FAM124A: variants seen among roughly 807,000 people sequenced by gnomAD.
The protein encoded by FAM124A is family with sequence similarity 124 member A, also known as protein FAM124A.
FAM124A carries 23 observed loss-of-function variants against 24.5 expected under a neutral mutation model. The ratio of observed to expected loss-of-function variants is 0.94; its 90% CI spans 0.68 to 1.33. FAM124A has a LOEUF of 1.33. Among genes scored for constraint, FAM124A ranks in the 40% most tolerant of loss-of-function variants. FAM124A has a pLI of 0.00. For synonymous variants in FAM124A, 287 were observed against 314.7 expected (o/e 0.91, Z 0.93); for missense variants, 623 against 722.8 (o/e 0.86, Z 1.58).
rs1448871223 is a variant in FAM124A at position 51,281,165 on chromosome 13, C to A, written c.1550C>A (p.Thr517Asn). The A allele has an allele frequency of 1.9e-6, 3 of 1,613,792 alleles. No individual in the cohort carries two copies. The highest frequency in any genetic ancestry group is 1.7e-6 in the Non-Finnish European group (2 of 1,179,938). ...TDSSPQLPCD[T>N]PKVKQTDGDM... ...TCCTCCCCACAGCTCCCATGCGATACCCCCAAAGTCAAGCAGACTGATGGA... is the reference window on the plus strand; with the variant it reads ...TCCTCCCCACAGCTCCCATGCGATAACCCCAAAGTCAAGCAGACTGATGGA... The change falls in exon 4 of 4, where the codon ACC becomes AAC. Residue 517 changes from threonine (T) to asparagine (N), a missense_variant. Physicochemically the swap from Thr to Asn is moderately conservative, Grantham distance 65. Transcript: ENST00000322475.
chr13:51,261,229 G>A (rs1419365600), intron 3 of FAM124A, among the ~76,000 whole-genome samples: 1 of 152,170 alleles, frequency 6.6e-6, no homozygotes, highest in Non-Finnish European at 1.5e-5. Context: ...CCACATGTGG[G>A]GGAAGGAAGA....
At chr13:51,278,171 C>T (rs909062744) in intron 3 of FAM124A, among the ~76,000 whole-genome samples, 4 of 152,138 alleles carry the variant, frequency 2.6e-5, no homozygotes, top group Admixed American at 1.3e-4. Flanking sequence ...TGGAGCAGCT[C>T]AGGAGGGCAG....
intron 3 of FAM124A, among the ~76,000 whole-genome samples, chr13:51,265,966 C>T (rs2137697906): frequency 6.6e-6 from 1 of 152,292 alleles, no homozygotes; most frequent in South Asian, 2.1e-4. Flanking sequence ...AAAAACTATA[C>T]AGATTATATT....
intron 3 of FAM124A, among the ~76,000 whole-genome samples, chr13:51,261,664 C>G (rs1316975772): frequency 6.6e-6 from 1 of 152,188 alleles, no homozygotes; most frequent in Non-Finnish European, 1.5e-5. Flanking sequence ...CCCTTCCTTT[C>G]TCACTTAGCT....
chr13:51,226,764 G>A (rs1954319682), intron 1 of FAM124A, among the ~76,000 whole-genome samples: 2 of 152,184 alleles, frequency 1.3e-5, no homozygotes, highest in African/African-American at 4.8e-5. Context: ...GGGTCCCACT[G>A]CCAGTGGCCA....
intron 2 of FAM124A, among the ~76,000 whole-genome samples, chr13:51,239,531 C>A (rs1021182767): frequency 6.6e-6 from 1 of 152,130 alleles, no homozygotes; most frequent in African/African-American, 2.4e-5. Flanking sequence ...TATATTTTTG[C>A]ACTGTACTTT....
At chr13:51,260,492 A>G (rs1954724377) in intron 3 of FAM124A, among the ~76,000 whole-genome samples, 1 of 152,230 alleles carries the variant, frequency 6.6e-6, no homozygotes, top group African/African-American at 2.4e-5. Flanking sequence ...TAATAATGTG[A>G]TAACTAATGT....
intron 3 of FAM124A, among the ~76,000 whole-genome samples, chr13:51,261,250 C>T (rs1954733894): frequency 6.6e-6 from 1 of 152,154 alleles, no homozygotes. Flanking sequence ...CACCTGCGAA[C>T]AGCAGGCTAT....
intron 3 of FAM124A, among the ~76,000 whole-genome samples, chr13:51,271,667 C>T (rs952898570): frequency 1.3e-5 from 2 of 152,102 alleles, no homozygotes; most frequent in South Asian, 4.2e-4. Flanking sequence ...TACCGGCCCA[C>T]GTAATACAAT....
In FAM124A at chr13:51,281,536, C is replaced by T. The variant is rs975420914; in HGVS notation, c.*280C>T. 3.0e-5 allele frequency: 9 copies of T among 304,908 alleles called. No individual in the cohort carries two copies. The highest frequency in any genetic ancestry group is 4.8e-5 in the Non-Finnish European group (8 of 168,160). 18.9% of individuals were successfully genotyped at this position (304,908 alleles called of 1,614,324 possible). A position where few individuals can be genotyped will look rare whatever the true frequency, so the allele number is the denominator to read the frequency against. On this transcript the variant is annotated 3_prime_UTR_variant, in exon 4 of 4. Transcript: ENST00000322475. ...TGAGGTATGGTTTAGTGGGTTTATA[C>T]AATTTAAATGGCTTATATAATTATT...
rs1954446220 is a variant in FAM124A at position 51,237,437 on chromosome 13, T to A, written c.100+6058T>A. On this transcript the variant is annotated intron_variant, in intron 2 of 3. Transcript: ENST00000322475. Reference sequence around the variant, plus strand: ...CCCAAATAAGAACTATTTCCATTTTTATTACATTTAAGACCATGTCCTGGC... The same window carrying A: ...CCCAAATAAGAACTATTTCCATTTTAATTACATTTAAGACCATGTCCTGGC... Among the ~76,000 whole-genome samples, 2 of 152,248 alleles carry A rather than the reference T, an allele frequency of 1.3e-5. 1 individual carries two copies. The highest frequency in any genetic ancestry group is 4.1e-4 in the South Asian group (2 of 4,830).
At chr13:51,229,893 C>G (rs912404214) in intron 1 of FAM124A, among the ~76,000 whole-genome samples, 1 of 152,162 alleles carries the variant, frequency 6.6e-6, no homozygotes, top group Admixed American at 6.5e-5. Context: ...CTTGACCCTC[C>G]CCTCTCTGTT....
intron 1 of FAM124A, among the ~76,000 whole-genome samples, chr13:51,222,910 T>C (rs2137635965): frequency 6.6e-6 from 1 of 152,314 alleles, no homozygotes; most frequent in South Asian, 2.1e-4. Flanking sequence ...ACTTTCCTCC[T>C]GTAGCTCCGG....
intron 3 of FAM124A, among the ~76,000 whole-genome samples, chr13:51,259,521 C>G (rs546169778): frequency 6.6e-6 from 1 of 152,078 alleles, no homozygotes; most frequent in Non-Finnish European, 1.5e-5. Flanking sequence ...AAACACACGC[C>G]GGCTGCCTCA....
intron 3 of FAM124A, among the ~76,000 whole-genome samples, chr13:51,262,393 T>G (rs1954746073): frequency 6.6e-6 from 1 of 152,250 alleles, no homozygotes; most frequent in African/African-American, 2.4e-5. Context: ...TGCACAATAT[T>G]TTTAAAAATC....
intron 1 of FAM124A, among the ~76,000 whole-genome samples, chr13:51,226,120 G>C (rs1043074378): frequency 6.7e-6 from 1 of 149,656 alleles, no homozygotes; most frequent in Non-Finnish European, 1.5e-5. Context: ...AGCCTCCTAA[G>C]TAGCTGGGAT....
chr13:51,234,043 C>T (rs1286203497), intron 2 of FAM124A, among the ~76,000 whole-genome samples: 1 of 152,172 alleles, frequency 6.6e-6, no homozygotes, highest in Non-Finnish European at 1.5e-5. Context: ...GCTCCTGCAT[C>T]TCATTGTCAT....
chr13:51,229,205 G>T (rs1047602868), intron 1 of FAM124A, among the ~76,000 whole-genome samples: 2 of 152,234 alleles, frequency 1.3e-5, no homozygotes, highest in Non-Finnish European at 2.9e-5. Flanking sequence ...CATCCGTCAC[G>T]GAGAGAGGGG....
intron 2 of FAM124A, chr13:51,245,309 C>G: frequency 1.5e-6 from 1 of 667,342 alleles, no homozygotes. Flanking sequence ...TTTTATTATG[C>G]AGATGGATTC....
Sources: allele counts gnomAD v4.1 joint callset (sites outside exome capture counted in the v4.1 genomes callset), GRCh38; gene constraint gnomAD v4.1.1; transcripts MANE v1.5; gene names NCBI Gene and HGNC (gene_info 2026-07-23, HGNC 2026-07-21).